EPHA3: variants seen among roughly 807,000 people sequenced by gnomAD.
EPHA3 encodes the protein ephrin type-A receptor 3.
EPHA3 carries 42 observed loss-of-function variants against 107.1 expected under a neutral mutation model. The ratio of observed to expected loss-of-function variants is 0.39; its 90% CI spans 0.31 to 0.51. The LOEUF is 0.51. EPHA3 is among the 20% of genes least tolerant of loss of function. EPHA3 has a pLI of 0.78. For synonymous variants in EPHA3, 461 were observed against 424.8 expected (o/e 1.09, Z -1.05); for missense variants, 1,183 against 1,211.2 (o/e 0.98, Z 0.35).
intron 5 of EPHA3, among the ~76,000 whole-genome samples, chr3:89,349,801 G>A (rs1246595024): frequency 6.7e-6 from 1 of 149,022 alleles, no homozygotes; most frequent in Non-Finnish European, 1.5e-5. Flanking sequence ...AGCTCTTTTA[G>A]GGCAGGCCTG....
At chr3:89,306,534 A>G (rs1287543162) in intron 3 of EPHA3, among the ~76,000 whole-genome samples, 1 of 152,150 alleles carries the variant, frequency 6.6e-6, no homozygotes, top group African/African-American at 2.4e-5. Flanking sequence ...ATTAAAATAA[A>G]ATTTTGAATA....
At chr3:89,199,445 C>A (rs1705917444) in intron 2 of EPHA3, among the ~76,000 whole-genome samples, 3 of 152,134 alleles carry the variant, frequency 2.0e-5, no homozygotes, top group African/African-American at 7.2e-5. Context: ...TCAAATAGCA[C>A]ACTTCATTGA....
intron 3 of EPHA3, among the ~76,000 whole-genome samples, chr3:89,227,378 T>C (rs1015114451): frequency 3.9e-5 from 6 of 152,124 alleles, no homozygotes; most frequent in Non-Finnish European, 7.4e-5. Flanking sequence ...TGTTTAGATA[T>C]TGAGGATCTA....
chr3:89,205,562 T>A, intron 2 of EPHA3, among the ~76,000 whole-genome samples: 1 of 152,298 alleles, frequency 6.6e-6, no homozygotes, highest in South Asian at 2.1e-4. Flanking sequence ...CAAGGAACCC[T>A]ATGTGGTCTA....
At chr3:89,114,082 T>C (rs1446545007) in intron 1 of EPHA3, among the ~76,000 whole-genome samples, 1 of 151,922 alleles carries the variant, frequency 6.6e-6, no homozygotes, top group South Asian at 2.1e-4. Context: ...GAATAATAGG[T>C]GAGGAAGGAG....
chr3:89,236,694 C>T (rs987914094), intron 3 of EPHA3, among the ~76,000 whole-genome samples: 5 of 151,236 alleles, frequency 3.3e-5, no homozygotes, highest in Admixed American at 1.3e-4. Flanking sequence ...AACTAACCTG[C>T]GCATTGTGCA....
chr3:89,260,234 T>C (rs1254838658), intron 3 of EPHA3, among the ~76,000 whole-genome samples: 2 of 152,222 alleles, frequency 1.3e-5, no homozygotes, highest in Non-Finnish European at 2.9e-5. Context: ...AGTTCTATTG[T>C]TAATTTCTGT....
intron 3 of EPHA3, among the ~76,000 whole-genome samples, chr3:89,295,413 G>A (rs796839869): frequency 2.2e-4 from 33 of 152,028 alleles, no homozygotes; most frequent in African/African-American, 7.7e-4. Flanking sequence ...TTTCTCAAAA[G>A]ACAATAAGGT....
chr3:89,258,211 C>T (rs1219000819), intron 3 of EPHA3, among the ~76,000 whole-genome samples: 1 of 152,062 alleles, frequency 6.6e-6, no homozygotes, highest in African/African-American at 2.4e-5. Flanking sequence ...AGCTTATGTC[C>T]TGAAAGACAA....
At chr3:89,385,373 G>A (rs1708594595) in intron 5 of EPHA3, among the ~76,000 whole-genome samples, 2 of 152,170 alleles carry the variant, frequency 1.3e-5, no homozygotes, top group South Asian at 4.1e-4. Context: ...GGAGGTAATT[G>A]AATCATGGGG....
At chr3:89,250,874 G>T (rs748696076) in intron 3 of EPHA3, among the ~76,000 whole-genome samples, 26 of 152,100 alleles carry the variant, frequency 1.7e-4, no homozygotes, top group Admixed American at 6.6e-5. Context: ...CTTAATGAAT[G>T]CTTGGTGATA....
intron 7 of EPHA3, chr3:89,399,704 T>C (rs1708918467): frequency 1.6e-6 from 2 of 1,244,024 alleles, no homozygotes; most frequent in South Asian, 3.7e-5. Context: ...ATCAAACATA[T>C]TCTAATGCCT....
intron 6 of EPHA3, among the ~76,000 whole-genome samples, chr3:89,398,120 C>T (rs1187933001): frequency 6.6e-6 from 1 of 152,112 alleles, no homozygotes; most frequent in African/African-American, 2.4e-5. Flanking sequence ...GATTTCTGGA[C>T]TGGTTATTTC....
chr3:89,363,172 G>C lies in EPHA3; in HGVS notation c.1306+21082G>C, dbSNP rs552151928. Among the ~76,000 whole-genome samples, 14 of 151,058 alleles carry C rather than the reference G, an allele frequency of 9.3e-5. No homozygotes were observed. The South Asian group carries it at 1.9e-3, about 20-fold the overall frequency. On this transcript the variant is annotated intron_variant, in intron 5 of 16. Transcript: ENST00000336596. ...TCCAGAGAAGCAGAACCAATAGACT[G>C]TGTGTATCTATCTATCCATTGAGAG... is the stretch of plus-strand genomic sequence containing the variant.
intron 5 of EPHA3, among the ~76,000 whole-genome samples, chr3:89,342,345 C>T (rs866260582): frequency 2.6e-5 from 4 of 152,062 alleles, no homozygotes; most frequent in Middle Eastern, 6.8e-3. Context: ...ATATTTGAGG[C>T]TCTCAGATAG....
chr3:89,305,422 G>T (rs1452590046), intron 3 of EPHA3, among the ~76,000 whole-genome samples: 1 of 152,100 alleles, frequency 6.6e-6, no homozygotes, highest in African/African-American at 2.4e-5. Flanking sequence ...CACATTTAAA[G>T]TTTACAAATA....
At chr3:89,114,211 A>G (rs1358717743) in intron 1 of EPHA3, among the ~76,000 whole-genome samples, 1 of 152,194 alleles carries the variant, frequency 6.6e-6, no homozygotes, top group Non-Finnish European at 1.5e-5. Context: ...CACTTTCCAC[A>G]TTTGATAATG....
rs2107419606 is a variant in EPHA3 at position 89,341,837 on chromosome 3, A to G, written c.1053A>G (p.Thr351=). The part of the protein sequence containing the change: ...VILDWSWPLD[T]GGRKDVTFNI... ...TGGACTGGAGTTGGCCCCTGGACAC[A>G]GGAGGCCGGAAAGATGTTACCTTCA... Residue 351 remains threonine, a synonymous_variant, in exon 5 of 17, where the codon ACA becomes ACG. Transcript: ENST00000336596. The G allele has an allele frequency of 3.1e-6, 5 of 1,614,000 alleles. No individual in the cohort carries two copies. The highest frequency in any genetic ancestry group is 3.4e-6 in the Non-Finnish European group (4 of 1,179,982).
chr3:89,447,626 A>G lies in EPHA3; in HGVS notation c.2347-1599A>G, dbSNP rs185485629. Among the ~76,000 whole-genome samples, 156 of 152,326 alleles carry G rather than the reference A, an allele frequency of 1.0e-3. 1 individual carries two copies. The highest frequency in any genetic ancestry group is 3.6e-3 in the African/African-American group (150 of 41,588). On this transcript the variant is annotated intron_variant, in intron 13 of 16. Transcript: ENST00000336596. ...TCTTCACACAGGAAACTGTTCTTCT[A>G]GAACATACAGTTTTCTCCTCTGTGC...
Sources: allele counts gnomAD v4.1 joint callset (sites outside exome capture counted in the v4.1 genomes callset), GRCh38; gene constraint gnomAD v4.1.1; transcripts MANE v1.5; gene names NCBI Gene and HGNC (gene_info 2026-07-23, HGNC 2026-07-21).